Variants in FAIM2 observed in about 807,000 individuals in gnomAD.
FAIM2 encodes the protein protein lifeguard 2.
FAIM2 carries 27 observed loss-of-function variants against 47.4 expected under a neutral mutation model. The observed-to-expected ratio is 0.57, with a 90% CI of 0.42 to 0.78. FAIM2 has a LOEUF of 0.78. FAIM2 is among the 30% of genes least tolerant of loss of function. The pLI, the probability that FAIM2 is intolerant of heterozygous loss-of-function variation, is 0.00. For missense variants in FAIM2, 311 were observed against 389.4 expected (o/e 0.80, Z 1.69); for synonymous variants, 156 against 159.3 (o/e 0.98, Z 0.16).
At chr12:49,897,719 C>T (rs1245862087) in intron 3 of FAIM2, 136 bp from the exon 4 acceptor site, 10 of 683,072 alleles carry the variant, frequency 1.5e-5, no homozygotes, top group Non-Finnish European at 2.0e-5. Flanking sequence ...GGAGTGAACC[C>T]AGGGCAAGGC....
chr12:49,897,326 G>A (rs1385252066), intron 4 of FAIM2, among the ~76,000 whole-genome samples, 193 bp downstream of exon 4: 1 of 152,116 alleles, frequency 6.6e-6, no homozygotes, highest in East Asian at 1.9e-4. Context: ...AGGCACCCAG[G>A]GTCCACCCCA....
chr12:49,871,659 CT>C (rs1462972273), intron 11 of FAIM2, among the ~76,000 whole-genome samples: 1 of 143,642 alleles, frequency 7.0e-6, no homozygotes, highest in South Asian at 2.2e-4. Context: ...TTTTTCTTTT[CT>C]TTTCTTTTCT....
At chr12:49,879,578 GTA>G (rs775394641) in intron 11 of FAIM2, among the ~76,000 whole-genome samples, 6 of 151,792 alleles carry the variant, frequency 4.0e-5, no homozygotes, top group Non-Finnish European at 7.4e-5. Context: ...ATATGTGCGT[GTA>G]TATGTGTATT....
Position 49,878,469 on chromosome 12 carries a change from T to C in FAIM2, c.802-7816A>G, listed in dbSNP as rs1401220046. 5.2e-5 allele frequency among the ~76,000 whole-genome samples: 5 copies of C among 95,806 alleles called. 1 individual carries two copies. Among genetic ancestry groups the C allele is most frequent in the Non-Finnish European group, 1.2e-4 (5 of 43,188 alleles). 62.9% of individuals were successfully genotyped at this position (95,806 alleles called of 152,430 possible). A position where few individuals can be genotyped will look rare whatever the true frequency, so the allele number is the denominator to read the frequency against. ...CTGAGTGAATGTGTATGCATGTATG[T>C]GTGTGTGCATGTGTGTATATGTATG... is the stretch of plus-strand genomic sequence containing the variant. On this transcript the variant is annotated intron_variant, in intron 11 of 11. Transcript: ENST00000320634.
At chr12:49,872,843 G>C (rs1946712305) in intron 11 of FAIM2, among the ~76,000 whole-genome samples, 2 of 152,236 alleles carry the variant, frequency 1.3e-5, no homozygotes, top group East Asian at 3.8e-4. Flanking sequence ...CCTGCCTCCT[G>C]AGGTTGTTGT....
intron 11 of FAIM2, among the ~76,000 whole-genome samples, chr12:49,880,170 G>GTGTCTGTGCA (rs1555158433): frequency 2.8e-5 from 4 of 144,482 alleles, no homozygotes; most frequent in African/African-American, 1.0e-4. Context: ...ATGTGTGTAT[G>GTGTCTGTGCA]TGTGTGTATG....
At position 49,887,236 on chromosome 12, in the gene FAIM2, C is replaced by T. The variant is rs184821327; in HGVS notation, c.801+150G>A. ...AGGTAGAATCCCCCAAATGAACAAACAAACAAACGCAGCACCGAGCCTAGC... is the reference window on the plus strand; with the variant it reads ...AGGTAGAATCCCCCAAATGAACAAATAAACAAACGCAGCACCGAGCCTAGC... On this transcript the variant is annotated intron_variant, in intron 11 of 11. Transcript: ENST00000320634. 7.2e-6 allele frequency: 5 copies of T among 692,496 alleles called. No homozygotes were observed. In the East Asian group the frequency reaches 1.1e-4, roughly 15 times the overall value. The allele number at this position is 692,496 out of a possible 1,614,324, so 42.9% of individuals were successfully genotyped here.
intron 9 of FAIM2, 121 bp downstream of exon 9, chr12:49,889,360 C>A: frequency 9.5e-7 from 1 of 1,048,212 alleles, no homozygotes; most frequent in East Asian, 2.5e-5. Context: ...TCCCCAAACC[C>A]AACTCACCCC....
At chr12:49,901,063 T>A (rs917993676) in intron 2 of FAIM2, 67 bp downstream of exon 2, 8 of 1,297,886 alleles carry the variant, frequency 6.2e-6, no homozygotes, top group South Asian at 3.0e-5. Flanking sequence ...TTCCTCCTAC[T>A]CAGGTTTTCC....
chr12:49,878,337 TGA>T lies in FAIM2; in HGVS notation c.802-7686_802-7685del, dbSNP rs766180283. Among the ~76,000 whole-genome samples, 11 of 136,430 alleles carry T rather than the reference TGA, an allele frequency of 8.1e-5. 3 individuals carry two copies. The highest frequency in any genetic ancestry group is 1.4e-4 in the African/African-American group (5 of 36,156). The allele number at this position is 136,430 out of a possible 152,430, so 89.5% of individuals were successfully genotyped here. A position where few individuals can be genotyped will look rare whatever the true frequency, so the allele number is the denominator to read the frequency against. Reference sequence around the variant, plus strand: ...GTGTATATGTGTATTTGTGTGCATGTGAGTGTATGTGTGTGCATGTGTGTATA... The same window carrying T: ...GTGTATATGTGTATTTGTGTGCATGTGTGTATGTGTGTGCATGTGTGTATA... On this transcript the variant is annotated intron_variant, in intron 11 of 11. Coordinates refer to ENST00000320634, the MANE Select transcript of FAIM2 (RefSeq NM_012306.4).
intron 5 of FAIM2, among the ~76,000 whole-genome samples, chr12:49,894,510 G>A (rs955999274): frequency 2.0e-5 from 3 of 152,128 alleles, no homozygotes; most frequent in African/African-American, 7.2e-5. Context: ...CAGGGGGCAG[G>A]GAATGAGTCA....
intron 10 of FAIM2, 31 bp from the exon 11 acceptor site, chr12:49,887,470 G>A (rs775670847): frequency 9.4e-6 from 15 of 1,594,772 alleles, no homozygotes; most frequent in East Asian, 2.3e-5. Flanking sequence ...GCTTAGGGAC[G>A]ACAAGAAGGG....
At position 49,898,105 on chromosome 12, in the gene FAIM2, G is replaced by C. The variant is rs1301947565; in HGVS notation, c.212-15C>G. ...GGAGCTGCTGCCTGTGTGGCACGTG[G>C]AGGAGGAGGACATGAGGGTTCCCCC... On this transcript the variant is annotated splice_polypyrimidine_tract_variant and intron_variant, in intron 2 of 11. Coordinates refer to ENST00000320634, the MANE Select transcript of FAIM2 (RefSeq NM_012306.4). 6.3e-7 allele frequency: 1 copy of C among 1,591,438 alleles called. No homozygotes were observed. Among genetic ancestry groups the C allele is most frequent in the Admixed American group, 1.7e-5 (1 of 59,986 alleles).
rs1055378169 is a variant in FAIM2 at position 49,867,185 on chromosome 12, C to T, written c.*3319G>A. The T allele has an allele frequency of 3.9e-5, 6 of 152,250 alleles. No homozygotes were observed. The highest frequency in any genetic ancestry group is 3.3e-4 in the Admixed American group (5 of 15,268). 9.4% of individuals were successfully genotyped at this position (152,250 alleles called of 1,614,324 possible). ...AGCGGTGGCTGATGAGAAGACAGGTCTGGGGAGGTCTGAGGAGAGCTCGGG... is the reference window on the plus strand; with the variant it reads ...AGCGGTGGCTGATGAGAAGACAGGTTTGGGGAGGTCTGAGGAGAGCTCGGG... On this transcript the variant is annotated 3_prime_UTR_variant, in exon 12 of 12. Transcript: ENST00000320634.
intron 5 of FAIM2, among the ~76,000 whole-genome samples, chr12:49,892,678 T>C (rs770517093): frequency 6.6e-6 from 1 of 152,160 alleles, no homozygotes; most frequent in African/African-American, 2.4e-5. Flanking sequence ...GTTCCCTCGA[T>C]GTGGGGTCCT....
rs1202599662 is a variant in FAIM2 at position 49,878,155 on chromosome 12, TGA to T, written c.802-7504_802-7503del. On this transcript the variant is annotated intron_variant, in intron 11 of 11. Transcript: ENST00000320634. The stretch of plus-strand genomic sequence containing the variant: ...GTGAGTGTGCATGTGAGTGTGTGTA[TGA>T]GTGTATGTGTGTATGTGCATGTGTA... Among the ~76,000 whole-genome samples, 5 of 114,312 alleles carry T rather than the reference TGA, an allele frequency of 4.4e-5. 1 individual carries two copies. The highest frequency in any genetic ancestry group is 1.1e-4 in the African/African-American group (3 of 28,090). The allele number at this position is 114,312 out of a possible 152,430, so 75.0% of individuals were successfully genotyped here.
chr12:49,901,551 A>G, intron 1 of FAIM2: 1 of 439,540 alleles, frequency 2.3e-6, no homozygotes, highest in Non-Finnish European at 4.0e-6. Flanking sequence ...ATAGGAACAG[A>G]GGAAAGAGAA....
chr12:49,894,061 G>T (rs297932), intron 5 of FAIM2, among the ~76,000 whole-genome samples: 2 of 151,948 alleles, frequency 1.3e-5, no homozygotes, highest in African/African-American at 4.8e-5. Flanking sequence ...AGCTTGGGAG[G>T]CTGACACCCC....
chr12:49,891,016 T>C (rs778612816), intron 6 of FAIM2, 48 bp downstream of exon 6: 38 of 1,592,930 alleles, frequency 2.4e-5, no homozygotes, highest in Non-Finnish European at 3.3e-5. Context: ...AGAATTTTCA[T>C]GATCCTGCTC....
Sources: allele counts gnomAD v4.1 joint callset (sites outside exome capture counted in the v4.1 genomes callset), GRCh38; gene constraint gnomAD v4.1.1; transcripts MANE v1.5; gene names NCBI Gene and HGNC (gene_info 2026-07-23, HGNC 2026-07-21).